The following GSAP variants were observed in gnomAD, a reference collection of about 807,000 sequenced individuals.
GSAP encodes gamma-secretase-activating protein.
Under a neutral mutation model 131.7 loss-of-function variants are expected in GSAP, and 118 were observed. The ratio of observed to expected loss-of-function variants is 0.90; its 90% CI spans 0.77 to 1.04. The LOEUF (loss-of-function observed/expected upper bound fraction) is 1.04, where lower values mean the gene tolerates loss of function less well. Ranked by LOEUF, GSAP falls within the 50% of genes least tolerant of loss-of-function variation. The pLI is 0.00. For missense variants in GSAP, 1,019 were observed against 1,013.2 expected, an observed-to-expected ratio of 1.01 and a Z score of -0.08; for synonymous variants, 381 against 363.4, an observed-to-expected ratio of 1.05 and a Z score of -0.55.
chr7:77,380,797 T>C (rs1005969116), intron 8 of GSAP, among the ~76,000 whole-genome samples: 1 of 152,142 alleles, frequency 6.6e-6, no homozygotes, highest in Non-Finnish European at 1.5e-5. Context: ...TGATTGTATA[T>C]ATGGTATAAA....
intron 14 of GSAP, among the ~76,000 whole-genome samples, chr7:77,359,907 T>C (rs1189062690): frequency 1.3e-5 from 2 of 152,204 alleles, no homozygotes; most frequent in Non-Finnish European, 2.9e-5. Flanking sequence ...TTCTCTCTCT[T>C]ATCACAGGAA....
chr7:77,330,536 C>G, intron 19 of GSAP, 169 bp from the exon 20 acceptor site: 2 of 1,125,404 alleles, frequency 1.8e-6, no homozygotes, highest in Non-Finnish European at 1.1e-6. Flanking sequence ...CTAAAATAGA[C>G]TTAAAGAATC....
chr7:77,362,743 A>AAAGGAATAGAAGTAAG, intron 12 of GSAP, 83 bp from the exon 13 acceptor site: 1 of 755,742 alleles, frequency 1.3e-6, no homozygotes, highest in Non-Finnish European at 2.3e-6. Flanking sequence ...ACTTACTTCT[A>AAAGGAATAGAAGTAAG]TTCCTTTAGA....
chr7:77,320,775 A>C lies in GSAP; in HGVS notation c.2039T>G (p.Met680Arg). ...SAAEFAVFHI[M>R]TRILEATNSL... ...GTTTGTAGCTTCCAGAATCCTGGTC[A>C]TGATGTGAAAAACTGCAAATTCAGC... Residue 680 changes from methionine (M) to arginine (R), a missense_variant, in exon 26 of 31, where the codon ATG (methionine) becomes AGG (arginine). Coordinates refer to ENST00000257626, the MANE Select transcript of GSAP (RefSeq NM_017439.4). 6.2e-7 allele frequency: 1 copy of C among 1,612,876 alleles called. No individual in the cohort carries two copies. The highest frequency in any genetic ancestry group is 1.3e-5 in the African/African-American group (1 of 75,024).
upstream of GSAP, chr7:77,416,362 C>A (rs542847766): frequency 5.0e-6 from 6 of 1,203,036 alleles, no homozygotes; most frequent in African/African-American, 9.7e-5. Context: ...GGCCCCGCAC[C>A]GCGGGCATTC....
At chr7:77,356,158 C>T (rs1793691800) in intron 14 of GSAP, among the ~76,000 whole-genome samples, 1 of 152,142 alleles carries the variant, frequency 6.6e-6, no homozygotes, top group Non-Finnish European at 1.5e-5. Flanking sequence ...AAGCATGAGC[C>T]ACCACACCCA....
intron 18 of GSAP, among the ~76,000 whole-genome samples, chr7:77,350,469 C>T (rs1792676427): frequency 6.6e-6 from 1 of 150,908 alleles, no homozygotes; most frequent in Admixed American, 6.6e-5. Flanking sequence ...GGTGCAGTGG[C>T]TCGCGCCTGT....
At chr7:77,401,296 ACAAT>A (rs1801265787) in intron 3 of GSAP, among the ~76,000 whole-genome samples, 1 of 152,194 alleles carries the variant, frequency 6.6e-6, no homozygotes, top group Non-Finnish European at 1.5e-5. Context: ...AAGACACAGC[ACAAT>A]CAAACTTCAG....
chr7:77,385,662 T>C (rs1798459552), intron 6 of GSAP, among the ~76,000 whole-genome samples: 1 of 152,102 alleles, frequency 6.6e-6, no homozygotes, highest in Admixed American at 6.5e-5. Flanking sequence ...GCTTGGGAGC[T>C]TCAGGCCAGG....
chr7:77,320,770 T>C lies in GSAP; in HGVS notation c.2044A>G (p.Arg682Gly). 1 of 1,612,720 alleles carries C rather than the reference T, an allele frequency of 6.2e-7. No homozygotes were observed. Among genetic ancestry groups the C allele is most frequent in the Non-Finnish European group, 8.5e-7 (1 of 1,178,824 alleles). Residue 682 changes from arginine to glycine, a missense_variant, in exon 26 of 31, where the codon AGG becomes GGG. Transcript: ENST00000257626. ...AEFAVFHIMT[R>G]ILEATNSLFL... Reference sequence around the variant, plus strand: ...AAACTGTTTGTAGCTTCCAGAATCCTGGTCATGATGTGAAAAACTGCAAAT... The same window carrying C: ...AAACTGTTTGTAGCTTCCAGAATCCCGGTCATGATGTGAAAAACTGCAAAT...
intron 5 of GSAP, among the ~76,000 whole-genome samples, chr7:77,395,437 A>G (rs1448731903): frequency 6.6e-6 from 1 of 152,152 alleles, no homozygotes; most frequent in Non-Finnish European, 1.5e-5. Flanking sequence ...CTAATGTCCC[A>G]GATCGTATTT....
chr7:77,381,570 T>C lies in GSAP; in HGVS notation c.527-216A>G, dbSNP rs868214479. ...TCCTCCCTTTACAGTTAATTTCAAG[T>C]CCTGCATTTATTCTGCTCCTCAATA... On this transcript the variant is annotated intron_variant, in intron 7 of 30. Transcript: ENST00000257626. 9.2e-5 allele frequency among the ~76,000 whole-genome samples: 14 copies of C among 152,254 alleles called. 1 individual carries two copies. The Middle Eastern group carries it at 0.041, about 444-fold the overall frequency.
intron 8 of GSAP, among the ~76,000 whole-genome samples, chr7:77,379,102 C>G (rs1797409686): frequency 6.6e-6 from 1 of 152,112 alleles, no homozygotes; most frequent in African/African-American, 2.4e-5. Flanking sequence ...CTGTCTGTCT[C>G]TAAACCTTGG....
intron 23 of GSAP, among the ~76,000 whole-genome samples, chr7:77,324,541 A>T (rs1402847448): frequency 6.6e-6 from 1 of 152,182 alleles, no homozygotes. Flanking sequence ...TTCACATTAC[A>T]ATACCCCGAG....
chr7:77,338,433 C>T (rs17151944), intron 19 of GSAP, among the ~76,000 whole-genome samples: 30,335 of 152,048 alleles, frequency 0.2, 3,228 homozygotes, highest in African/African-American at 0.22. Flanking sequence ...CTGATTTAAC[C>T]GGTTTATTCT....
chr7:77,320,719 A>T lies in GSAP; in HGVS notation c.2089+6T>A. Reference sequence around the variant, plus strand: ...TATACCAAAGGACAAAAGAGCCAACACTTACCAGGAGGCAGAGGTAAAAAC... The same window carrying T: ...TATACCAAAGGACAAAAGAGCCAACTCTTACCAGGAGGCAGAGGTAAAAAC... On this transcript the variant is annotated splice_donor_region_variant and intron_variant, in intron 26 of 30. Transcript: ENST00000257626. The T allele has an allele frequency of 6.5e-7, 1 of 1,537,532 alleles. No individual in the cohort carries two copies. Among genetic ancestry groups the T allele is most frequent in the Non-Finnish European group, 9.0e-7 (1 of 1,110,268 alleles).
At chr7:77,333,465 A>G (rs779347787) in intron 19 of GSAP, among the ~76,000 whole-genome samples, 31 of 152,280 alleles carry the variant, frequency 2.0e-4, no homozygotes, top group African/African-American at 2.6e-4. Flanking sequence ...CCCATCCCCA[A>G]TTAGATTTAA....
chr7:77,343,695 C>G (rs1199646974), intron 19 of GSAP, among the ~76,000 whole-genome samples: 1 of 152,200 alleles, frequency 6.6e-6, no homozygotes, highest in African/African-American at 2.4e-5. Context: ...ACCTACTCCC[C>G]CACTGACTAA....
chr7:77,379,393 G>A (rs1323543001), intron 8 of GSAP, among the ~76,000 whole-genome samples: 1 of 151,420 alleles, frequency 6.6e-6, no homozygotes. Flanking sequence ...TGATAGAGAT[G>A]GTATTATACT....
Sources: allele counts gnomAD v4.1 joint callset (sites outside exome capture counted in the v4.1 genomes callset), GRCh38; gene constraint gnomAD v4.1.1; transcripts MANE v1.5; gene names NCBI Gene and HGNC (gene_info 2026-07-23, HGNC 2026-07-21).